PIK3CB: variants seen among roughly 807,000 people sequenced by gnomAD.
The protein encoded by PIK3CB is phosphatidylinositol-4,5-bisphosphate 3-kinase catalytic subunit beta, also known as phosphatidylinositol 4,5-bisphosphate 3-kinase catalytic subunit beta isoform.
Under a neutral mutation model 136.8 loss-of-function variants are expected in PIK3CB, and 39 were observed. That is an observed-to-expected ratio of 0.29 (90% confidence interval 0.22 to 0.37). The LOEUF (loss-of-function observed/expected upper bound fraction) is 0.37. Among genes scored for constraint, PIK3CB ranks in the 10% least tolerant of loss-of-function variants. The pLI is 1.00. For synonymous variants in PIK3CB, 428 were observed against 436.6 expected (o/e 0.98, Z 0.25); for missense variants, 868 against 1,275.4 (o/e 0.68, Z 4.87).
intron 19 of PIK3CB, among the ~76,000 whole-genome samples, chr3:138,677,676 C>G (rs966490436): frequency 5.9e-5 from 9 of 152,178 alleles, no homozygotes; most frequent in Non-Finnish European, 1.3e-4. Context: ...GCGGGCGGAT[C>G]ACCTGAAGTC....
intron 8 of PIK3CB, among the ~76,000 whole-genome samples, chr3:138,720,945 C>A (rs909562581): frequency 2.0e-5 from 3 of 152,012 alleles, no homozygotes; most frequent in Non-Finnish European, 2.9e-5. Context: ...GATTTCTTAC[C>A]TTTTACTGCT....
chr3:138,682,526 T>A (rs1379653560), intron 18 of PIK3CB, among the ~76,000 whole-genome samples: 1 of 152,246 alleles, frequency 6.6e-6, no homozygotes, highest in Non-Finnish European at 1.5e-5. Flanking sequence ...TTACATTAAT[T>A]ACATGGTTAA....
chr3:138,703,387 T>C (rs899060013), intron 12 of PIK3CB, among the ~76,000 whole-genome samples: 3 of 152,188 alleles, frequency 2.0e-5, no homozygotes, highest in Non-Finnish European at 4.4e-5. Flanking sequence ...GTCTCCAGTT[T>C]GCCTCCTAGT....
intron 4 of PIK3CB, among the ~76,000 whole-genome samples, chr3:138,751,196 C>T (rs538634394): frequency 1.4e-4 from 21 of 152,212 alleles, no homozygotes; most frequent in African/African-American, 3.9e-4. Context: ...CAGTAGCTCA[C>T]GCCTGTAATC....
intron 8 of PIK3CB, among the ~76,000 whole-genome samples, chr3:138,731,180 A>G (rs2044964204): frequency 6.6e-6 from 1 of 152,198 alleles, no homozygotes; most frequent in South Asian, 2.1e-4. Context: ...AAAGCTTGTT[A>G]ACTTTGAATC....
At chr3:138,729,176 G>T (rs538925872) in intron 8 of PIK3CB, among the ~76,000 whole-genome samples, 1 of 151,860 alleles carries the variant, frequency 6.6e-6, no homozygotes, top group South Asian at 2.1e-4. Context: ...AGCTACACCG[G>T]ACACTGAGGC....
chr3:138,833,180 C>T (rs1220912932), intron 1 of PIK3CB, among the ~76,000 whole-genome samples: 1 of 148,910 alleles, frequency 6.7e-6, no homozygotes, highest in East Asian at 2.0e-4. Flanking sequence ...GATTCTCCTG[C>T]CTCAGCCTCC....
At chr3:138,680,989 A>G (rs1006670282) in intron 19 of PIK3CB, among the ~76,000 whole-genome samples, 1 of 151,400 alleles carries the variant, frequency 6.6e-6, no homozygotes. Context: ...TGCACGGCCC[A>G]ATTGTTCTTA....
At chr3:138,802,636 G>A (rs2046190735) in intron 1 of PIK3CB, among the ~76,000 whole-genome samples, 1 of 152,026 alleles carries the variant, frequency 6.6e-6, no homozygotes, top group South Asian at 2.1e-4. Flanking sequence ...ACCTCTCAGG[G>A]TCCCCATACT....
chr3:138,701,792 A>G (rs1478575342), intron 12 of PIK3CB, among the ~76,000 whole-genome samples: 1 of 151,034 alleles, frequency 6.6e-6, no homozygotes, highest in Admixed American at 6.6e-5. Context: ...CTCAAAAAAA[A>G]AAAAAAAAAG....
chr3:138,678,222 T>C (rs1406780277), intron 19 of PIK3CB, among the ~76,000 whole-genome samples: 1 of 152,056 alleles, frequency 6.6e-6, no homozygotes, highest in African/African-American at 2.4e-5. Flanking sequence ...CAGGAGTTTG[T>C]GACTGTAGTG....
intron 1 of PIK3CB, among the ~76,000 whole-genome samples, chr3:138,798,264 C>T (rs1369911483): frequency 2.0e-5 from 3 of 152,064 alleles, no homozygotes; most frequent in Non-Finnish European, 4.4e-5. Flanking sequence ...TCCCCGGCCT[C>T]GGGTGATCCT....
intron 19 of PIK3CB, among the ~76,000 whole-genome samples, chr3:138,672,734 A>G (rs2043559498): frequency 6.6e-6 from 1 of 152,072 alleles, no homozygotes; most frequent in Non-Finnish European, 1.5e-5. Flanking sequence ...CAACATGGTG[A>G]AACCCTGCCT....
intron 4 of PIK3CB, among the ~76,000 whole-genome samples, chr3:138,744,818 C>A (rs963016976): frequency 6.6e-6 from 1 of 152,166 alleles, no homozygotes; most frequent in Admixed American, 6.5e-5. Context: ...TCTTCCTCAT[C>A]ATCTGGCACT....
At chr3:138,662,586 C>T (rs1265590161) in intron 21 of PIK3CB, among the ~76,000 whole-genome samples, 1 of 149,116 alleles carries the variant, frequency 6.7e-6, no homozygotes, top group African/African-American at 2.5e-5. Flanking sequence ...GTGCATGTGT[C>T]TTTATAGCAG....
At chr3:138,829,788 A>C (rs1933942074) in intron 1 of PIK3CB, among the ~76,000 whole-genome samples, 1 of 152,136 alleles carries the variant, frequency 6.6e-6, no homozygotes, top group African/African-American at 2.4e-5. Flanking sequence ...ACTCCATCTC[A>C]AAAAAGAAGA....
chr3:138,686,272 C>T (rs539801450), intron 16 of PIK3CB, among the ~76,000 whole-genome samples: 1 of 151,962 alleles, frequency 6.6e-6, no homozygotes, highest in Non-Finnish European at 1.5e-5. Flanking sequence ...AACCTCCTCT[C>T]TACTAAAAAT....
At chr3:138,812,043 A>G (rs1358154804) in intron 1 of PIK3CB, among the ~76,000 whole-genome samples, 4 of 152,062 alleles carry the variant, frequency 2.6e-5, no homozygotes, top group Non-Finnish European at 5.9e-5. Flanking sequence ...GTGAGTTATG[A>G]TCGTACCACT....
chr3:138,698,738 TG>T (rs1388473697), intron 13 of PIK3CB, among the ~76,000 whole-genome samples, 168 bp downstream of exon 13: 1 of 152,214 alleles, frequency 6.6e-6, no homozygotes, highest in Admixed American at 6.5e-5. Flanking sequence ...TTTTAAATTC[TG>T]GAAATGTTCT....
Sources: gnomAD v4.1 joint callset for allele counts (sites outside exome capture counted in the v4.1 genomes callset) on GRCh38, gnomAD v4.1.1 for gene constraint, MANE v1.5 for transcripts, NCBI Gene and HGNC (gene_info 2026-07-23, HGNC 2026-07-21) for gene names.